Variants in CHD7 observed in about 807,000 individuals in gnomAD.
CHD7 encodes the protein chromodomain helicase DNA binding protein 7.
CHD7 carries 24 observed loss-of-function variants against 307.3 expected under a neutral mutation model. The ratio of observed to expected loss-of-function variants is 0.08; its 90% CI spans 0.06 to 0.11. CHD7 has a LOEUF of 0.11. CHD7 is among the 10% of genes least tolerant of loss of function. CHD7 has a pLI of 1.00. For synonymous variants in CHD7, 1,363 were observed against 1,349.9 expected, an observed-to-expected ratio of 1.01 and a Z score of -0.21; for missense variants, 3,106 against 3,727.1, an observed-to-expected ratio of 0.83 and a Z score of 4.34.
At position 60,799,327 on chromosome 8, in the gene CHD7, G is replaced by A. The variant is rs543266961; in HGVS notation, c.2239-1061G>A. 3.8e-4 allele frequency among the ~76,000 whole-genome samples: 58 copies of A among 152,346 alleles called. 1 individual carries two copies. In the South Asian group the frequency reaches 0.012, roughly 32 times the overall value. ...TTGATAGATAGGACCACATTGTCCT[G>A]CAAGGACTGTGTGGGTTGCATTTTG... On this transcript the variant is annotated intron_variant, in intron 4 of 37. Transcript: ENST00000423902.
chr8:60,780,550 T>G (rs1811158769), intron 2 of CHD7, among the ~76,000 whole-genome samples: 1 of 152,254 alleles, frequency 6.6e-6, no homozygotes. Context: ...ACTAGAATCT[T>G]GCAATGTTCA....
intron 9 of CHD7, among the ~76,000 whole-genome samples, chr8:60,820,411 G>A (rs1803972970): frequency 6.6e-6 from 1 of 152,162 alleles, no homozygotes; most frequent in Non-Finnish European, 1.5e-5. Flanking sequence ...GTAGCACAAA[G>A]TATCCTTATA....
chr8:60,778,732 C>A (rs1811067778), intron 2 of CHD7, among the ~76,000 whole-genome samples: 1 of 152,204 alleles, frequency 6.6e-6, no homozygotes. Flanking sequence ...TAAGTTTGAT[C>A]TCCGTGTCCT....
chr8:60,707,559 G>A lies in CHD7; in HGVS notation c.-175+28477G>A, dbSNP rs1352973207. On this transcript the variant is annotated intron_variant, in intron 1 of 37. Coordinates refer to ENST00000423902, the MANE Select transcript of CHD7 (RefSeq NM_017780.4). ...CCCTTGTATAAGAACCTACTTTGAGGGATTTTAATAGTAACTGGGAAGAAT... is the reference window on the plus strand; with the variant it reads ...CCCTTGTATAAGAACCTACTTTGAGAGATTTTAATAGTAACTGGGAAGAAT... Among the ~76,000 whole-genome samples, 6 of 152,220 alleles carry A rather than the reference G, an allele frequency of 3.9e-5. No individual in the cohort carries two copies. The East Asian group carries it at 9.6e-4, about 24-fold the overall frequency.
chr8:60,856,650 A>G lies in CHD7; in HGVS notation c.7370A>G (p.Asn2457Ser). The stretch of plus-strand genomic sequence containing the variant: ...AGAGAGGCAACAAGCTCTACCTCAA[A>G]TTTTTCATCTCTTTCTTCAAAGTTT... ...ASREATSSTS[N>S]FSSLSSKFIL... The change falls in exon 34 of 38, where the codon AAT (asparagine) becomes AGT (serine). Residue 2457 changes from asparagine to serine, a missense_variant. Coordinates refer to ENST00000423902, the MANE Select transcript of CHD7 (RefSeq NM_017780.4). The G allele has an allele frequency of 1.9e-6, 3 of 1,613,982 alleles. No individual in the cohort carries two copies. Among genetic ancestry groups the G allele is most frequent in the Non-Finnish European group, 2.5e-6 (3 of 1,179,870 alleles).
At position 60,800,462 on chromosome 8, in the gene CHD7, GGCAGATGAT is replaced by G; in HGVS notation, c.2321_2329del (p.Asp774_Asp776del). 1 of 1,613,928 alleles carries G rather than the reference GGCAGATGAT, an allele frequency of 6.2e-7. No homozygotes were observed. The highest frequency in any genetic ancestry group is 8.5e-7 in the Non-Finnish European group (1 of 1,179,850). On this transcript the variant is annotated inframe_deletion, in exon 5 of 38. Coordinates refer to ENST00000423902, the MANE Select transcript of CHD7 (RefSeq NM_017780.4). ...TGGAGTTCAAGATTTCTGATGAGGA[GGCAGATGAT>G]GCAGATGCTGCTGGGAGGGATTCCC...
At position 60,862,324 on chromosome 8, in the gene CHD7, A is replaced by C. The variant is rs376898594; in HGVS notation, c.7959A>C (p.Arg2653=). Residue 2653 remains arginine, a synonymous_variant, in exon 36 of 38, where the codon CGA becomes CGC. Coordinates refer to ENST00000423902, the MANE Select transcript of CHD7 (RefSeq NM_017780.4). Reference sequence around the variant, plus strand: ...AAAGGGTGCCTGTTGTCAATAAACGAAATGGGAAGAAGGTAAACGCTGGGA... The same window carrying C: ...AAAGGGTGCCTGTTGTCAATAAACGCAATGGGAAGAAGGTAAACGCTGGGA... The part of the protein sequence containing the change: ...GEERVPVVNK[R]NGKKMGGAMA... The C allele has an allele frequency of 5.6e-5, 90 of 1,603,212 alleles. No homozygotes were observed. The highest frequency in any genetic ancestry group is 7.6e-5 in the Non-Finnish European group (89 of 1,175,584).
In CHD7 at chr8:60,853,071, A is replaced by G. The variant is rs1309976352; in HGVS notation, c.6346A>G (p.Ile2116Val). ...CGGGGTCAGTCGGACGGATTATCAC[A>G]TCCTCAATGACCCTGAGTTATCCTT... ...KHGVSRTDYHILNDPELSFLD... is the reference protein window; with the variant it reads ...KHGVSRTDYHVLNDPELSFLD... Residue 2116 changes from isoleucine to valine, a missense_variant, in exon 31 of 38, where the codon ATC (isoleucine) becomes GTC (valine). Ile to Val is a conservative substitution (Grantham distance 29). Around this residue, in one of 10 missense-constraint regions of CHD7, gnomAD observed 1,030 missense variants for 1,165.4 expected, o/e 0.88. Coordinates refer to ENST00000423902, the MANE Select transcript of CHD7 (RefSeq NM_017780.4). The G allele has an allele frequency of 6.2e-7, 1 of 1,613,942 alleles. No homozygotes were observed.
chr8:60,767,545 C>A (rs528544280), intron 2 of CHD7, among the ~76,000 whole-genome samples: 1 of 152,180 alleles, frequency 6.6e-6, no homozygotes, highest in Non-Finnish European at 1.5e-5. Context: ...CAGTGGCTGC[C>A]GAAGCTCATG....
intron 6 of CHD7, among the ~76,000 whole-genome samples, chr8:60,802,903 C>T (rs546633794): frequency 4.6e-5 from 7 of 152,220 alleles, no homozygotes; most frequent in East Asian, 1.9e-4. Flanking sequence ...GAATTTTTAT[C>T]GGAATATACA....
At chr8:60,770,975 T>C (rs144185586) in intron 2 of CHD7, among the ~76,000 whole-genome samples, 53 of 152,374 alleles carry the variant, frequency 3.5e-4, no homozygotes, top group Non-Finnish European at 1.0e-4. Flanking sequence ...ATCTTGATTC[T>C]TCTTATAACC....
chr8:60,766,910 T>C (rs1392438493), intron 2 of CHD7, among the ~76,000 whole-genome samples: 1 of 151,962 alleles, frequency 6.6e-6, no homozygotes, highest in African/African-American at 2.4e-5. Context: ...TTTAAAGCAA[T>C]AGGTAGATTC....
chr8:60,730,598 C>T (rs529700701), intron 1 of CHD7, among the ~76,000 whole-genome samples: 7 of 152,286 alleles, frequency 4.6e-5, no homozygotes, highest in African/African-American at 1.4e-4. Flanking sequence ...TGGTGGCTCA[C>T]GCCTGTAATC....
intron 31 of CHD7, 95 bp from the exon 32 acceptor site, chr8:60,854,268 G>A (rs759238673): frequency 1.6e-4 from 171 of 1,057,278 alleles, no homozygotes; most frequent in Middle Eastern, 1.2e-3. Context: ...ATAAAATGGA[G>A]CTGATTAGTA....
In CHD7 at chr8:60,852,178, G is replaced by C; in HGVS notation, c.5825G>C (p.Arg1942Pro). Residue 1942 changes from arginine (R) to proline (P), a missense_variant, in exon 29 of 38, where the codon CGG becomes CCG. Arg to Pro is a moderately radical substitution (Grantham distance 103). This residue lies in a region of CHD7 where 1,030 missense variants were observed against 1,165.4 expected (regional missense o/e 0.88). Transcript: ENST00000423902. ...CTAATGAAGACTGACCGGCGCAGAC[G>C]GCGGCCTCGAGAGGAAGTGAGAGCT... ...EALMKTDRRR[R>P]RPREEVRALE... 6.2e-7 allele frequency: 1 copy of C among 1,613,888 alleles called. No individual in the cohort carries two copies.
At chr8:60,850,707 C>A in intron 26 of CHD7, 85 bp downstream of exon 26, 2 of 1,350,968 alleles carry the variant, frequency 1.5e-6, no homozygotes, top group South Asian at 1.3e-5. Flanking sequence ...CTGCAGTACA[C>A]ACTGTATTGT....
intron 5 of CHD7, 40 bp downstream of exon 5, chr8:60,800,565 A>AGCTG: frequency 6.7e-7 from 1 of 1,482,060 alleles, no homozygotes; most frequent in Admixed American, 2.2e-5. Context: ...TGCATTTTAA[A>AGCTG]GATGGACTAG....
At chr8:60,831,658 C>G (rs535572611) in intron 15 of CHD7, among the ~76,000 whole-genome samples, 3 of 151,792 alleles carry the variant, frequency 2.0e-5, no homozygotes, top group Admixed American at 6.6e-5. Flanking sequence ...GCAGAAGAAC[C>G]AGCTCAGAGG....
In CHD7 at chr8:60,836,257, A is replaced by T; in HGVS notation, c.3963A>T (p.Ile1321=). 1 of 1,613,954 alleles carries T rather than the reference A, an allele frequency of 6.2e-7. No individual in the cohort carries two copies. Among genetic ancestry groups the T allele is most frequent in the South Asian group, 1.1e-5 (1 of 91,054 alleles). ...CCCAGATGGTGCGCTGCTTGGACATACTGGAAGACTACCTCATTCAAAGAC... is the reference window on the plus strand; with the variant it reads ...CCCAGATGGTGCGCTGCTTGGACATTCTGGAAGACTACCTCATTCAAAGAC... ...IFSQMVRCLD[I]LEDYLIQRRY... The change falls in exon 16 of 38, where the codon ATA becomes ATT. Residue 1321 remains isoleucine (I), a synonymous_variant. Transcript: ENST00000423902.
Sources: gnomAD v4.1 joint callset for allele counts (sites outside exome capture counted in the v4.1 genomes callset) on GRCh38, gnomAD v4.1.1 for gene constraint, gnomAD v4.1.1 regional missense constraint, MANE v1.5 for transcripts, NCBI Gene and HGNC (gene_info 2026-07-23, HGNC 2026-07-21) for gene names.